The following ITGA1 variants were observed in gnomAD, a reference collection of about 807,000 sequenced individuals.
ITGA1 encodes the protein integrin alpha-1.
In ITGA1, 85 loss-of-function variants were observed where a neutral mutation model predicts 145.9. The observed-to-expected ratio is 0.58, with a 90% CI of 0.49 to 0.70. ITGA1 has a LOEUF of 0.70. Among genes scored for constraint, ITGA1 ranks in the 30% least tolerant of loss-of-function variants. The pLI is 0.00. For synonymous variants in ITGA1, 520 were observed against 495.3 expected (o/e 1.05, Z -0.66); for missense variants, 1,351 against 1,418.7 (o/e 0.95, Z 0.77).
chr5:52,863,049 T>A (rs984048891), intron 3 of ITGA1, among the ~76,000 whole-genome samples: 4 of 152,222 alleles, frequency 2.6e-5, no homozygotes, highest in Admixed American at 1.3e-4. Flanking sequence ...TGTCTTGTAA[T>A]TTTGGATCAT....
intron 1 of ITGA1, among the ~76,000 whole-genome samples, chr5:52,811,272 G>A (rs1418999797): frequency 2.0e-5 from 3 of 152,154 alleles, no homozygotes; most frequent in African/African-American, 7.2e-5. Context: ...GTGACTTGAG[G>A]AAATAATTTC....
rs933086657 is a variant in ITGA1, at chr5:52,788,322, C to A, written c.-32C>A. On this transcript the variant is annotated 5_prime_UTR_variant, in exon 1 of 29. Transcript: ENST00000282588. The stretch of plus-strand genomic sequence containing the variant: ...CGCCCGGTCCTGCCCTGCGAACCAG[C>A]GCGGCCCCCTGGCGCTGAGGCTGCT... 3 of 1,485,556 alleles carry A rather than the reference C, an allele frequency of 2.0e-6. No individual in the cohort carries two copies. Among genetic ancestry groups the A allele is most frequent in the Non-Finnish European group, 2.7e-6 (3 of 1,122,738 alleles). The allele number at this position is 1,485,556 out of a possible 1,614,324, so 92.0% of individuals were successfully genotyped here.
intron 1 of ITGA1, among the ~76,000 whole-genome samples, chr5:52,838,463 A>T (rs1440650665): frequency 6.6e-6 from 1 of 152,130 alleles, no homozygotes; most frequent in African/African-American, 2.4e-5. Flanking sequence ...CTTCATGAAG[A>T]CCTTAATTTA....
intron 2 of ITGA1, among the ~76,000 whole-genome samples, chr5:52,853,072 G>A (rs1749453953): frequency 6.6e-6 from 1 of 152,118 alleles, no homozygotes; most frequent in Non-Finnish European, 1.5e-5. Flanking sequence ...AAGTTTGTAA[G>A]CATTTGAATG....
At chr5:52,846,981 T>C (rs1198929876) in intron 1 of ITGA1, among the ~76,000 whole-genome samples, 1 of 152,200 alleles carries the variant, frequency 6.6e-6, no homozygotes, top group Admixed American at 6.5e-5. Flanking sequence ...TCTGAAAATA[T>C]GTTACTGCCC....
intron 6 of ITGA1, among the ~76,000 whole-genome samples, chr5:52,877,846 C>T (rs1319068781): frequency 2.0e-5 from 3 of 152,162 alleles, no homozygotes; most frequent in Non-Finnish European, 4.4e-5. Flanking sequence ...ACCTGTCCTG[C>T]ATGAGTAGGA....
At chr5:52,791,366 T>A (rs1428571979) in intron 1 of ITGA1, among the ~76,000 whole-genome samples, 1 of 152,084 alleles carries the variant, frequency 6.6e-6, no homozygotes, top group Non-Finnish European at 1.5e-5. Context: ...GCAGTGTTAG[T>A]TTGATTATGA....
At chr5:52,876,749 G>T (rs1374791758) in intron 6 of ITGA1, among the ~76,000 whole-genome samples, 1 of 152,076 alleles carries the variant, frequency 6.6e-6, no homozygotes, top group Non-Finnish European at 1.5e-5. Flanking sequence ...CTAAAGTTAG[G>T]ATGTACTTGG....
At chr5:52,794,031 T>C (rs951999566) in intron 1 of ITGA1, among the ~76,000 whole-genome samples, 14 of 151,926 alleles carry the variant, frequency 9.2e-5, no homozygotes, top group Non-Finnish European at 8.8e-5. Flanking sequence ...TAAAAGGAAA[T>C]TAAAATGCAT....
chr5:52,935,819 A>G (rs1207651131), intron 23 of ITGA1, among the ~76,000 whole-genome samples: 1 of 152,228 alleles, frequency 6.6e-6, no homozygotes, highest in African/African-American at 2.4e-5. Context: ...CATATATGCA[A>G]ATAGGACAGG....
chr5:52,913,603 T>C (rs1750600445), intron 14 of ITGA1, among the ~76,000 whole-genome samples: 1 of 152,214 alleles, frequency 6.6e-6, no homozygotes, highest in African/African-American at 2.4e-5. Flanking sequence ...AGTTTGAATG[T>C]AATTGTCTGC....
chr5:52,915,781 A>G (rs2111864683), intron 15 of ITGA1, among the ~76,000 whole-genome samples, 187 bp downstream of exon 15: 2 of 152,336 alleles, frequency 1.3e-5, no homozygotes, highest in Middle Eastern at 6.8e-3. Context: ...ATATGAAAGA[A>G]ACAAGTAGAA....
intron 2 of ITGA1, among the ~76,000 whole-genome samples, chr5:52,854,065 G>T (rs566913431): frequency 6.6e-6 from 1 of 152,226 alleles, no homozygotes; most frequent in African/African-American, 2.4e-5. Flanking sequence ...AACCTTTCTT[G>T]GGGGTTTCAG....
intron 11 of ITGA1, chr5:52,901,919 C>T (rs1750320692): frequency 6.6e-6 from 1 of 151,990 alleles, no homozygotes; most frequent in African/African-American, 2.4e-5. Context: ...GACATTTTGC[C>T]AACATAAAGT....
intron 13 of ITGA1, 92 bp downstream of exon 13, chr5:52,909,133 A>G: frequency 1.5e-6 from 2 of 1,331,450 alleles, no homozygotes; most frequent in South Asian, 2.7e-5. Context: ...CTCACTTTGA[A>G]AAAACAGAGC....
chr5:52,904,834 C>T (rs1003723131), intron 11 of ITGA1: 30 of 131,080 alleles, frequency 2.3e-4, no homozygotes, highest in African/African-American at 8.6e-4. Context: ...ACCTGGACAA[C>T]AGAGCAAGAC....
chr5:52,909,103 T>C, intron 13 of ITGA1, 62 bp downstream of exon 13: 1 of 1,521,052 alleles, frequency 6.6e-7, no homozygotes, highest in Non-Finnish European at 8.9e-7. Context: ...CATTTTTTAA[T>C]AATAAATTCC....
intron 1 of ITGA1, chr5:52,801,082 A>G: frequency 1.2e-6 from 2 of 1,610,438 alleles, no homozygotes; most frequent in Non-Finnish European, 1.7e-6. Context: ...GAAGACCGAC[A>G]ACAAACTGCT....
intron 1 of ITGA1, among the ~76,000 whole-genome samples, chr5:52,821,986 CA>C (rs780586782): frequency 3.3e-5 from 5 of 152,124 alleles, no homozygotes; most frequent in Admixed American, 6.5e-5. Flanking sequence ...ATGAATATAT[CA>C]CATTATAATA....
Sources: allele counts gnomAD v4.1 joint callset (sites outside exome capture counted in the v4.1 genomes callset), GRCh38; gene constraint gnomAD v4.1.1; transcripts MANE v1.5; gene names NCBI Gene and HGNC (gene_info 2026-07-23, HGNC 2026-07-21).